EXT1: variants seen among roughly 807,000 people sequenced by gnomAD.
The protein encoded by EXT1 is exostosin-1.
Under a neutral mutation model 82.5 loss-of-function variants are expected in EXT1, and 20 were observed. The observed-to-expected ratio is 0.24, with a 90% CI of 0.17 to 0.35. EXT1 has a LOEUF of 0.35. Ranked by LOEUF, EXT1 falls within the 10% of genes least tolerant of loss-of-function variation. EXT1 has a pLI of 1.00. For missense variants in EXT1, 757 were observed against 936.5 expected, an observed-to-expected ratio of 0.81 and a Z score of 2.50; for synonymous variants, 348 against 350.8, an observed-to-expected ratio of 0.99 and a Z score of 0.09.
At chr8:117,802,853 C>T (rs1457086667) in intron 10 of EXT1, among the ~76,000 whole-genome samples, 1 of 152,190 alleles carries the variant, frequency 6.6e-6, no homozygotes, top group East Asian at 1.9e-4. Context: ...TTCATCATAA[C>T]CAATACCTAG....
intron 1 of EXT1, among the ~76,000 whole-genome samples, chr8:117,946,569 G>A (rs183514050): frequency 1.3e-5 from 2 of 152,176 alleles, no homozygotes; most frequent in Non-Finnish European, 2.9e-5. Context: ...CTACAGGAGC[G>A]GGCAGGCACG....
chr8:117,936,929 G>A (rs182885076), intron 1 of EXT1, among the ~76,000 whole-genome samples: 13 of 152,100 alleles, frequency 8.5e-5, no homozygotes, highest in African/African-American at 2.7e-4. Context: ...ACTATGTTGA[G>A]TTGGAATGTC....
intron 1 of EXT1, among the ~76,000 whole-genome samples, chr8:117,935,033 C>T (rs1181905275): frequency 6.6e-6 from 1 of 152,150 alleles, no homozygotes; most frequent in Non-Finnish European, 1.5e-5. Flanking sequence ...ACAGACCTGG[C>T]TTGAAAATCC....
In EXT1 at chr8:117,798,174, A is replaced by T. The variant is rs1427410830; in HGVS notation, c.*1538T>A. The T allele has an allele frequency of 3.3e-5, 5 of 152,240 alleles. No individual in the cohort carries two copies. The highest frequency in any genetic ancestry group is 5.9e-5 in the Non-Finnish European group (4 of 68,036). The allele number at this position is 152,240 out of a possible 1,614,324, so 9.4% of individuals were successfully genotyped here. ...TGGCCACTTGAAATTATCAGAACAA[A>T]ATTCTCTGATGAACTTTTCTTCTAA... On this transcript the variant is annotated 3_prime_UTR_variant, in exon 11 of 11. Transcript: ENST00000378204.
At chr8:118,060,388 C>T (rs1054421960) in intron 1 of EXT1, among the ~76,000 whole-genome samples, 2 of 152,200 alleles carry the variant, frequency 1.3e-5, no homozygotes, top group Non-Finnish European at 2.9e-5. Context: ...TAAAATTCCA[C>T]ATTTCCAACT....
At position 118,054,963 on chromosome 8, in the gene EXT1, T is replaced by C. The variant is rs527383254; in HGVS notation, c.962+55122A>G. On this transcript the variant is annotated intron_variant, in intron 1 of 10. Coordinates refer to ENST00000378204, the MANE Select transcript of EXT1 (RefSeq NM_000127.3). ...CCCTTACTGTATGTATATGTATATATATATATATAAATTTTTTAACAGCTT... is the reference window on the plus strand; with the variant it reads ...CCCTTACTGTATGTATATGTATATACATATATATAAATTTTTTAACAGCTT... Among the ~76,000 whole-genome samples, 179 of 151,688 alleles carry C rather than the reference T, an allele frequency of 1.2e-3. 2 individuals carry two copies. The highest frequency in any genetic ancestry group is 6.8e-3 in the Middle Eastern group (2 of 292).
At chr8:117,857,429 A>G (rs1175338327) in intron 1 of EXT1, among the ~76,000 whole-genome samples, 3 of 152,086 alleles carry the variant, frequency 2.0e-5, no homozygotes, top group African/African-American at 7.2e-5. Flanking sequence ...ATGGTGGCTC[A>G]CACCTATAAT....
At chr8:117,963,267 G>A (rs952340048) in intron 1 of EXT1, among the ~76,000 whole-genome samples, 1 of 152,258 alleles carries the variant, frequency 6.6e-6, no homozygotes, top group East Asian at 1.9e-4. Context: ...CCAGCTTGCT[G>A]CCACTGAGCC....
chr8:118,085,531 A>T (rs1281568441), intron 1 of EXT1, among the ~76,000 whole-genome samples: 1 of 149,562 alleles, frequency 6.7e-6, no homozygotes, highest in East Asian at 1.9e-4. Flanking sequence ...ATATGGGAAC[A>T]TACTATATTC....
chr8:118,034,298 T>C (rs1412852284), intron 1 of EXT1, among the ~76,000 whole-genome samples: 2 of 152,204 alleles, frequency 1.3e-5, no homozygotes, highest in Non-Finnish European at 2.9e-5. Flanking sequence ...CCATCATTTT[T>C]TAAAGGAAGC....
chr8:118,048,965 C>A (rs1010733046), intron 1 of EXT1, among the ~76,000 whole-genome samples: 1 of 152,158 alleles, frequency 6.6e-6, no homozygotes, highest in South Asian at 2.1e-4. Flanking sequence ...TCCAGACTAT[C>A]GTCATAAGCC....
At chr8:117,845,559 A>C (rs1328685145) in intron 1 of EXT1, among the ~76,000 whole-genome samples, 1 of 78,930 alleles carries the variant, frequency 1.3e-5, no homozygotes, top group South Asian at 4.3e-4. Flanking sequence ...AAGTAAGTAA[A>C]AAAAAAAAAT....
chr8:117,995,809 C>T (rs1241692061), intron 1 of EXT1, among the ~76,000 whole-genome samples: 1 of 152,128 alleles, frequency 6.6e-6, no homozygotes, highest in East Asian at 1.9e-4. Flanking sequence ...CTATACATGC[C>T]TTCCCAACCA....
intron 10 of EXT1, among the ~76,000 whole-genome samples, chr8:117,803,393 C>G (rs774982080): frequency 1.3e-5 from 2 of 151,864 alleles, no homozygotes; most frequent in Non-Finnish European, 2.9e-5. Context: ...GATGGGGTTT[C>G]GACATGTTGG....
chr8:117,985,634 A>G (rs1448147249), intron 1 of EXT1, among the ~76,000 whole-genome samples: 1 of 151,844 alleles, frequency 6.6e-6, no homozygotes, highest in East Asian at 1.9e-4. Flanking sequence ...AAAGACACAT[A>G]TTAGAGAAAC....
intron 1 of EXT1, among the ~76,000 whole-genome samples, chr8:117,923,308 C>G (rs1813891386): frequency 6.6e-6 from 1 of 151,510 alleles, no homozygotes; most frequent in Non-Finnish European, 1.5e-5. Context: ...GCAACAGAGA[C>G]TCTGTTTCAA....
intron 1 of EXT1, among the ~76,000 whole-genome samples, chr8:117,940,921 C>T (rs1188848147): frequency 2.0e-5 from 3 of 152,082 alleles, no homozygotes; most frequent in African/African-American, 7.2e-5. Flanking sequence ...CAGCCTACAG[C>T]CAGTTAGTTA....
chr8:117,954,719 C>T (rs1318368151), intron 1 of EXT1, among the ~76,000 whole-genome samples: 1 of 152,194 alleles, frequency 6.6e-6, no homozygotes, highest in Non-Finnish European at 1.5e-5. Flanking sequence ...AAGAGCATAA[C>T]ACCATCCAAC....
intron 1 of EXT1, among the ~76,000 whole-genome samples, chr8:117,988,952 T>C (rs1300158644): frequency 6.7e-6 from 1 of 149,484 alleles, no homozygotes; most frequent in Non-Finnish European, 1.5e-5. Context: ...ATCTGACAGG[T>C]GCAGTGGCTG....
Sources: gnomAD v4.1 joint callset for allele counts (sites outside exome capture counted in the v4.1 genomes callset) on GRCh38, gnomAD v4.1.1 for gene constraint, MANE v1.5 for transcripts, NCBI Gene and HGNC (gene_info 2026-07-23, HGNC 2026-07-21) for gene names.